HNF4A: variants seen among roughly 807,000 people sequenced by gnomAD.
HNF4A encodes hepatocyte nuclear factor 4-alpha.
A neutral mutation model predicts 52.4 loss-of-function variants in HNF4A; 15 were observed. The observed-to-expected ratio is 0.29, with a 90% CI of 0.19 to 0.44. HNF4A has a LOEUF of 0.44. Among genes scored for constraint, HNF4A ranks in the 20% least tolerant of loss-of-function variants. The probability of loss-of-function intolerance (pLI) is 1.00; values close to 1 mark genes in which losing one functional copy is unlikely to be tolerated. For missense variants in HNF4A, 479 were observed against 647.2 expected (o/e 0.74, Z 2.82); for synonymous variants, 280 against 264.4 (o/e 1.06, Z -0.57).
At chr20:44,379,730 C>CTTTTTT (rs33924202) in intron 1 of HNF4A, among the ~76,000 whole-genome samples, 1 of 109,562 alleles carries the variant, frequency 9.1e-6, no homozygotes, top group Non-Finnish European at 1.8e-5. Context: ...TTTTCTTTTC[C>CTTTTTT]TTTTTTTTTT....
chr20:44,418,500 G>C lies in HNF4A; in HGVS notation c.724G>C (p.Val242Leu), dbSNP rs202105574. ...CAAGAGATCCATGGTGTTCAAGGACGTGCTGCTCCTAGGTGAGGCGGCTGC... is the reference window on the plus strand; with the variant it reads ...CAAGAGATCCATGGTGTTCAAGGACCTGCTGCTCCTAGGTGAGGCGGCTGC... The change falls in exon 6 of 10, where the codon GTG (valine) becomes CTG (leucine). Residue 242 changes from valine to leucine, a missense_variant. Around this residue, in one of 3 missense-constraint regions of HNF4A, gnomAD observed 389 missense variants for 525.1 expected, o/e 0.74. Transcript: ENST00000316099. 1.2e-6 allele frequency: 2 copies of C among 1,612,620 alleles called. No individual in the cohort carries two copies. Among genetic ancestry groups the C allele is most frequent in the East Asian group, 2.2e-5 (1 of 44,880 alleles).
chr20:44,400,719 C>A (rs180916470), upstream of HNF4A, among the ~76,000 whole-genome samples: 132 of 152,284 alleles, frequency 8.7e-4, no homozygotes, highest in African/African-American at 3.0e-3. Context: ...AACTTCCAGT[C>A]CATTCTGCTC....
intron 1 of HNF4A, among the ~76,000 whole-genome samples, chr20:44,377,121 T>C (rs1290796791): frequency 6.6e-6 from 1 of 152,136 alleles, no homozygotes; most frequent in Non-Finnish European, 1.5e-5. Flanking sequence ...AAGAATGAAA[T>C]CATGTCCTCT....
intron 3 of HNF4A, among the ~76,000 whole-genome samples, chr20:44,409,607 T>G (rs73111851): frequency 6.6e-6 from 1 of 152,334 alleles, no homozygotes; most frequent in Non-Finnish European, 1.5e-5. Flanking sequence ...TGTGGCCTGG[T>G]CCTGCGTGTG....
At chr20:44,408,869 T>A (rs2063541455) in intron 3 of HNF4A, among the ~76,000 whole-genome samples, 1 of 152,062 alleles carries the variant, frequency 6.6e-6, no homozygotes, top group African/African-American at 2.4e-5. Flanking sequence ...CTTGGTCTAG[T>A]CCTGCTAGTT....
intron 1 of HNF4A, among the ~76,000 whole-genome samples, chr20:44,377,049 A>T (rs551346003): frequency 1.3e-5 from 2 of 152,282 alleles, no homozygotes; most frequent in Non-Finnish European, 2.9e-5. Flanking sequence ...AAAAAATAAA[A>T]TAAAAAAGAA....
chr20:44,416,404 A>T (rs1332897622), intron 5 of HNF4A, among the ~76,000 whole-genome samples: 1 of 152,264 alleles, frequency 6.6e-6, no homozygotes, highest in African/African-American at 2.4e-5. Flanking sequence ...ATTTGCCTGA[A>T]GTCACAGAGC....
rs374703326 is a variant in HNF4A at position 44,414,502 on chromosome 20, C to G, written c.493-5C>G. ...CCAGCATTTTCTTCCCTGTATCTCT[C>G]GAAGATCACCTCCCCCGTCTCCGGG... On this transcript the variant is annotated splice_region_variant and splice_polypyrimidine_tract_variant and intron_variant, in intron 4 of 9. Coordinates refer to ENST00000316099, the MANE Select transcript of HNF4A (RefSeq NM_000457.6). 1.5e-5 allele frequency: 25 copies of G among 1,614,216 alleles called. No individual in the cohort carries two copies. In the South Asian group the frequency reaches 2.5e-4, roughly 16 times the overall value.
intron 1 of HNF4A, among the ~76,000 whole-genome samples, chr20:44,394,496 A>AC (rs2063334656): frequency 6.6e-6 from 1 of 151,234 alleles, no homozygotes; most frequent in Non-Finnish European, 1.5e-5. Context: ...AGCTTGAAAA[A>AC]CCCCAGCCCA....
At chr20:44,408,717 A>G (rs2063538560) in intron 3 of HNF4A, among the ~76,000 whole-genome samples, 1 of 151,672 alleles carries the variant, frequency 6.6e-6, no homozygotes, top group African/African-American at 2.4e-5. Flanking sequence ...AGACAGCGAG[A>G]CTCTCTCAAA....
intron 7 of HNF4A, among the ~76,000 whole-genome samples, chr20:44,421,976 CT>C (rs1343694003): frequency 1.3e-5 from 2 of 151,190 alleles, no homozygotes; most frequent in East Asian, 1.9e-4. Flanking sequence ...TTTTTAAACA[CT>C]TTATGTGGAT....
At position 44,418,708 on chromosome 20, in the gene HNF4A, G is replaced by A. The variant is rs11086925; in HGVS notation, c.736+196G>A. Among the ~76,000 whole-genome samples the A allele has an allele frequency of 0.077, 11,684 of 152,280 alleles. 529 individuals carry two copies. Among genetic ancestry groups the A allele is most frequent in the Admixed American group, 0.11 (1,668 of 15,300 alleles). ...GTACCCCACTCAGATGCAAGGAAAT[G>A]TGGATGCAAGTCACCAAATTCCCAG... On this transcript the variant is annotated intron_variant, in intron 6 of 9. Transcript: ENST00000316099.
chr20:44,395,298 G>A (rs1351934467), intron 1 of HNF4A, among the ~76,000 whole-genome samples: 2 of 152,244 alleles, frequency 1.3e-5, no homozygotes, highest in African/African-American at 2.4e-5. Context: ...CAGTGTTTCC[G>A]TCCACTAAAT....
chr20:44,403,606 C>T (rs1297114982), intron 1 of HNF4A, among the ~76,000 whole-genome samples: 3 of 152,176 alleles, frequency 2.0e-5, no homozygotes, highest in Admixed American at 6.5e-5. Context: ...ATTTCTCCCC[C>T]GTCCTCTCCC....
Position 44,406,132 on chromosome 20 carries a change from G to T in HNF4A, c.190G>T (p.Gly64Trp). 6.2e-7 allele frequency: 1 copy of T among 1,613,820 alleles called. No homozygotes were observed. The highest frequency in any genetic ancestry group is 8.5e-7 in the Non-Finnish European group (1 of 1,180,034). Residue 64 changes from glycine (G) to tryptophan (W), a missense_variant, in exon 2 of 10, where the codon GGG becomes TGG. Around this residue, in one of 3 missense-constraint regions of HNF4A, gnomAD observed 90 missense variants for 105.5 expected, o/e 0.85. Coordinates refer to ENST00000316099, the MANE Select transcript of HNF4A (RefSeq NM_000457.6). The stretch of plus-strand genomic sequence containing the variant: ...TGTCAGCGCCCTGTGTGCCATCTGC[G>T]GGGACCGGGCCACGGGCAAACACTA...
upstream of HNF4A, among the ~76,000 whole-genome samples, chr20:44,398,493 G>A (rs542851334): frequency 3.3e-5 from 5 of 152,340 alleles, no homozygotes; most frequent in South Asian, 2.1e-4. Flanking sequence ...TAGGTGGTGC[G>A]TCATTTATAT....
In HNF4A at chr20:44,424,006, C is replaced by A; in HGVS notation, c.893-12C>A. The A allele has an allele frequency of 6.2e-7, 1 of 1,612,468 alleles. No individual in the cohort carries two copies. On this transcript the variant is annotated splice_polypyrimidine_tract_variant and intron_variant, in intron 7 of 9. Transcript: ENST00000316099. ...CCTGCTGCCCTCCCTTGCCCACCCTCTTCCATTGTAGATGCCAAGGGGCTG... is the reference window on the plus strand; with the variant it reads ...CCTGCTGCCCTCCCTTGCCCACCCTATTCCATTGTAGATGCCAAGGGGCTG...
At chr20:44,402,925 C>A (rs142147794) in intron 1 of HNF4A, among the ~76,000 whole-genome samples, 177 of 152,348 alleles carry the variant, frequency 1.2e-3, no homozygotes, top group African/African-American at 4.2e-3. Context: ...TCACGTGTGA[C>A]CTTGGGCATG....
At chr20:44,393,132 G>A (rs984985598) in intron 1 of HNF4A, among the ~76,000 whole-genome samples, 3 of 152,214 alleles carry the variant, frequency 2.0e-5, no homozygotes, top group Non-Finnish European at 4.4e-5. Flanking sequence ...CAGAGTCTGG[G>A]TCAGGCAGGG....
Sources: allele counts gnomAD v4.1 joint callset (sites outside exome capture counted in the v4.1 genomes callset), GRCh38; gene constraint gnomAD v4.1.1; regional missense constraint gnomAD v4.1.1; transcripts MANE v1.5; gene names NCBI Gene and HGNC (gene_info 2026-07-23, HGNC 2026-07-21).